The following NRXN1 variants were observed in gnomAD, a reference collection of about 807,000 sequenced individuals.
The protein encoded by NRXN1 is neurexin 1.
Under a neutral mutation model 150.9 loss-of-function variants are expected in NRXN1, and 39 were observed. The ratio of observed to expected loss-of-function variants is 0.26; its 90% CI spans 0.20 to 0.34. The LOEUF (loss-of-function observed/expected upper bound fraction) is 0.34. Among genes scored for constraint, NRXN1 ranks in the 10% least tolerant of loss-of-function variants. The pLI is 1.00. For missense variants in NRXN1, 1,815 were observed against 1,949.9 expected (o/e 0.93, Z 1.30); for synonymous variants, 924 against 757.0 (o/e 1.22, Z -3.62).
At chr2:50,282,665 A>C (rs893746292) in intron 17 of NRXN1, among the ~76,000 whole-genome samples, 3 of 152,156 alleles carry the variant, frequency 2.0e-5, no homozygotes, top group African/African-American at 7.2e-5. Flanking sequence ...TGTTGACTTC[A>C]AGTATTTCTA....
intron 2 of NRXN1, among the ~76,000 whole-genome samples, chr2:50,993,331 C>G (rs1214563430): frequency 6.6e-6 from 1 of 151,886 alleles, no homozygotes; most frequent in Non-Finnish European, 1.5e-5. Flanking sequence ...GGGCTAGTCT[C>G]AGTGTGCCAT....
At chr2:50,633,833 A>T (rs1280273617) in intron 5 of NRXN1, among the ~76,000 whole-genome samples, 2 of 152,168 alleles carry the variant, frequency 1.3e-5, no homozygotes, top group Admixed American at 1.3e-4. Flanking sequence ...AAGTGAGTCA[A>T]GTATAAGTGA....
At chr2:50,124,496 T>G in intron 18 of NRXN1, among the ~76,000 whole-genome samples, 1 of 152,246 alleles carries the variant, frequency 6.6e-6, no homozygotes, top group African/African-American at 2.4e-5. Context: ...CAGACCAAAA[T>G]AATAGAACCA....
chr2:50,392,238 T>C (rs1345720444), intron 17 of NRXN1, among the ~76,000 whole-genome samples: 2 of 152,128 alleles, frequency 1.3e-5, no homozygotes, highest in East Asian at 3.9e-4. Flanking sequence ...AAACTGCAAA[T>C]ACCTTCTCAG....
chr2:50,700,514 C>G, intron 5 of NRXN1, among the ~76,000 whole-genome samples: 1 of 152,108 alleles, frequency 6.6e-6, no homozygotes, highest in East Asian at 1.9e-4. Context: ...TTTAAACCAT[C>G]TATTTGATGA....
At chr2:50,379,388 A>G (rs1029276439) in intron 17 of NRXN1, among the ~76,000 whole-genome samples, 3 of 152,190 alleles carry the variant, frequency 2.0e-5, no homozygotes, top group East Asian at 1.9e-4. Context: ...GACAGGGAAT[A>G]ATAACAGTGA....
At chr2:50,426,921 C>T (rs2084542103) in intron 17 of NRXN1, among the ~76,000 whole-genome samples, 1 of 152,154 alleles carries the variant, frequency 6.6e-6, no homozygotes, top group South Asian at 2.1e-4. Flanking sequence ...TTGTGTTGTA[C>T]ACTGACAGCA....
At chr2:50,865,517 G>C (rs1221311541) in intron 5 of NRXN1, among the ~76,000 whole-genome samples, 1 of 151,222 alleles carries the variant, frequency 6.6e-6, no homozygotes, top group Non-Finnish European at 1.5e-5. Flanking sequence ...TCTGGTTCCA[G>C]AGTGTATTTA....
intron 2 of NRXN1, among the ~76,000 whole-genome samples, chr2:50,933,035 A>AAAAAC (rs754025322): frequency 2.0e-5 from 3 of 152,204 alleles, no homozygotes; most frequent in South Asian, 2.1e-4. Flanking sequence ...TTCCTCAAGA[A>AAAAAC]AAAACAAAAC....
chr2:50,419,840 A>G (rs548905509), intron 17 of NRXN1, among the ~76,000 whole-genome samples: 1 of 152,170 alleles, frequency 6.6e-6, no homozygotes, highest in South Asian at 2.1e-4. Context: ...ACTTAAATAG[A>G]CACACTTCTT....
chr2:50,314,542 T>C (rs975710206), intron 17 of NRXN1, among the ~76,000 whole-genome samples: 1 of 151,986 alleles, frequency 6.6e-6, no homozygotes, highest in African/African-American at 2.4e-5. Flanking sequence ...CATATAATTA[T>C]GGGTGCATTG....
At chr2:50,060,881 A>G (rs753420269) in intron 19 of NRXN1, among the ~76,000 whole-genome samples, 1 of 152,068 alleles carries the variant, frequency 6.6e-6, no homozygotes, top group Non-Finnish European at 1.5e-5. Flanking sequence ...TTTATAAATC[A>G]CCCAGTCTCT....
At chr2:50,819,242 G>A (rs1042835552) in intron 5 of NRXN1, among the ~76,000 whole-genome samples, 2 of 152,182 alleles carry the variant, frequency 1.3e-5, no homozygotes, top group African/African-American at 4.8e-5. Flanking sequence ...TGTGTTCGTT[G>A]CAGCATTACT....
rs749729668 is a variant in NRXN1 at position 51,027,888 on chromosome 2, A to T, written c.386T>A (p.Phe129Tyr). Residue 129 changes from phenylalanine to tyrosine, a missense_variant, in exon 2 of 23, where the codon TTC (phenylalanine) becomes TAC (tyrosine). Physicochemically the swap from Phe to Tyr is conservative, Grantham distance 22. Around this residue, in one of 6 missense-constraint regions of NRXN1, gnomAD observed 554 missense variants for 478.8 expected, o/e 1.16. Coordinates refer to ENST00000401669, the MANE Select transcript of NRXN1 (RefSeq NM_001330078.2). ...CCACTTGGCCTCCACCTGGTCGATG[A>T]AGAGCGTGGTGTTGCGGAACTGGCG... Reference protein sequence around the residue: ...IRRQFRNTTLFIDQVEAKWVE... With the variant: ...IRRQFRNTTLYIDQVEAKWVE... 1 of 1,611,910 alleles carries T rather than the reference A, an allele frequency of 6.2e-7. No individual in the cohort carries two copies. Among genetic ancestry groups the T allele is most frequent in the Non-Finnish European group, 8.5e-7 (1 of 1,179,706 alleles).
At chr2:50,080,117 C>T (rs547768652) in intron 19 of NRXN1, among the ~76,000 whole-genome samples, 20 of 152,120 alleles carry the variant, frequency 1.3e-4, no homozygotes, top group African/African-American at 3.9e-4. Context: ...GTTATATAGT[C>T]GGTTAGTCAC....
At chr2:50,066,486 C>G (rs1453006473) in intron 19 of NRXN1, among the ~76,000 whole-genome samples, 6 of 152,032 alleles carry the variant, frequency 3.9e-5, no homozygotes. Context: ...AGATCACAAT[C>G]AAAATGTCAT....
chr2:50,281,148 C>CAAAAAAAAA (rs70946898), intron 17 of NRXN1, among the ~76,000 whole-genome samples: 3 of 107,098 alleles, frequency 2.8e-5, no homozygotes, highest in Non-Finnish European at 5.8e-5. Flanking sequence ...ACTAAAAATA[C>CAAAAAAAAA]AAAAAAAAAA....
intron 19 of NRXN1, among the ~76,000 whole-genome samples, chr2:50,055,379 T>C (rs960890580): frequency 6.6e-6 from 1 of 152,154 alleles, no homozygotes; most frequent in African/African-American, 2.4e-5. Flanking sequence ...TTTGTCTTTT[T>C]GATGTTTCTT....
chr2:50,424,027 G>C (rs1426778070), intron 17 of NRXN1, among the ~76,000 whole-genome samples: 2 of 151,728 alleles, frequency 1.3e-5, no homozygotes, highest in Non-Finnish European at 2.9e-5. Context: ...TGAGGCTGTG[G>C]GCCACAATAA....
Sources: allele counts gnomAD v4.1 joint callset (sites outside exome capture counted in the v4.1 genomes callset), GRCh38; gene constraint gnomAD v4.1.1; regional missense constraint gnomAD v4.1.1; transcripts MANE v1.5; gene names NCBI Gene and HGNC (gene_info 2026-07-23, HGNC 2026-07-21).